The following LHPP variants were observed in gnomAD, a reference collection of about 807,000 sequenced individuals.
The protein encoded by LHPP is phospholysine phosphohistidine inorganic pyrophosphate phosphatase.
LHPP carries 24 observed loss-of-function variants against 30.3 expected under a neutral mutation model. The ratio of observed to expected loss-of-function variants is 0.79; its 90% confidence interval spans 0.57 to 1.11. The LOEUF is 1.11. LHPP is among the 50% of genes most tolerant of loss of function. LHPP has a pLI of 0.00. For missense variants in LHPP, 356 were observed against 367.2 expected, an observed-to-expected ratio of 0.97 and a Z score of 0.25; for synonymous variants, 150 against 157.1, an observed-to-expected ratio of 0.95 and a Z score of 0.34.
chr10:124,541,335 T>G lies in LHPP; in HGVS notation c.716+24064T>G, dbSNP rs1955183856. Among the ~76,000 whole-genome samples the G allele has an allele frequency of 6.6e-6, 1 of 152,216 alleles. No homozygotes were observed. The highest frequency in any genetic ancestry group is 2.4e-5 in the African/African-American group (1 of 41,460). ...GGAGGCTGACTTTATCGAGGGCTGC[T>G]TTGTGGCGGGCGTTCATTGTGGAAA... is the stretch of plus-strand genomic sequence containing the variant. On this transcript the variant is annotated intron_variant, in intron 6 of 6. Transcript: ENST00000368842. This position sits in a 1 kb window ranked among gnomAD's most constrained non-coding sequence, Gnocchi z 4.2.
At position 124,517,534 on chromosome 10, in the gene LHPP, C is replaced by G. The variant is rs891889165; in HGVS notation, c.716+263C>G. On this transcript the variant is annotated intron_variant, in intron 6 of 6. Coordinates refer to ENST00000368842, the MANE Select transcript of LHPP (RefSeq NM_022126.4). The surrounding 1 kb of genome is among the most constrained non-coding windows in gnomAD (Gnocchi z 4.1). ...GTGCAGAGAGAAATAAGCAAAGGCA[C>G]TATCCATCCTGGCGGCGGCCCACCA... Among the ~76,000 whole-genome samples, 8 of 152,142 alleles carry G rather than the reference C, an allele frequency of 5.3e-5. No homozygotes were observed. The highest frequency in any genetic ancestry group is 1.9e-4 in the African/African-American group (8 of 41,430).
intron 2 of LHPP, among the ~76,000 whole-genome samples, chr10:124,486,540 A>G (rs1399339204): frequency 6.6e-6 from 1 of 152,272 alleles, no homozygotes; most frequent in Admixed American, 6.5e-5. Context: ...GAAGACAGGC[A>G]TGAACTTCCA....
rs75466955 is a variant in LHPP, at chr10:124,469,206, G to T, written c.125+7219G>T. On this transcript the variant is annotated intron_variant, in intron 1 of 6. Transcript: ENST00000368842. The stretch of plus-strand genomic sequence containing the variant: ...AAGTGTGATTGGAGTGGGGTGGGGG[G>T]TCTTAGGGTTGGCAGGGGGAACACA... Among the ~76,000 whole-genome samples, 67 of 152,168 alleles carry T rather than the reference G, an allele frequency of 4.4e-4. 1 individual carries two copies. In the East Asian group the frequency reaches 0.012, roughly 27 times the overall value.
Position 124,542,921 on chromosome 10 carries a change from C to T in LHPP, c.716+25650C>T, listed in dbSNP as rs371199206. ...ATCTAGGCCCCGTCACGGTCGTTCT[C>T]CCCGGTCCCTGCCTGCCCATGGCTC... On this transcript the variant is annotated intron_variant, in intron 6 of 6. Transcript: ENST00000368842. 3.1e-4 allele frequency among the ~76,000 whole-genome samples: 47 copies of T among 152,296 alleles called. No homozygotes were observed. In the East Asian group the frequency reaches 7.7e-3, roughly 25 times the overall value.
chr10:124,550,965 G>A (rs1948152481), intron 6 of LHPP, among the ~76,000 whole-genome samples: 1 of 152,192 alleles, frequency 6.6e-6, no homozygotes, highest in African/African-American at 2.4e-5. Context: ...CAGCCTAGGT[G>A]CAGAGGCCCG....
chr10:124,570,924 T>C (rs1254820403), intron 6 of LHPP, among the ~76,000 whole-genome samples: 4 of 152,214 alleles, frequency 2.6e-5, no homozygotes, highest in Non-Finnish European at 5.9e-5. Context: ...CCAACCCAAA[T>C]CTCGTCTCGA....
chr10:124,579,326 C>A (rs2133989722), intron 6 of LHPP, among the ~76,000 whole-genome samples: 1 of 152,368 alleles, frequency 6.6e-6, no homozygotes, highest in South Asian at 2.1e-4. Context: ...CGTCCAGTTT[C>A]CCCTCAACTA....
chr10:124,481,421 G>A (rs1398080814), intron 1 of LHPP, among the ~76,000 whole-genome samples: 1 of 129,790 alleles, frequency 7.7e-6, no homozygotes, highest in Non-Finnish European at 1.6e-5. Context: ...GTGTGACCCA[G>A]GCTGGAGGGC....
At position 124,496,831 on chromosome 10, in the gene LHPP, G is replaced by A; in HGVS notation, c.468-130G>A. The A allele has an allele frequency of 1.3e-6, 1 of 773,470 alleles. No individual in the cohort carries two copies. The highest frequency in any genetic ancestry group is 2.2e-6 in the Non-Finnish European group (1 of 463,566). The allele number at this position is 773,470 out of a possible 1,614,324, so 47.9% of individuals were successfully genotyped here. A position where few individuals can be genotyped will look rare whatever the true frequency, so the allele number is the denominator to read the frequency against. On this transcript the variant is annotated intron_variant, in intron 3 of 6. Coordinates refer to ENST00000368842, the MANE Select transcript of LHPP (RefSeq NM_022126.4). This position sits in a 1 kb window ranked among gnomAD's most constrained non-coding sequence, Gnocchi z 4.3. ...TGCGGTCATTCTCAGCGTAGCGCCT[G>A]GACTGCCCCTCAGCCGCGGCTTGGC...
At chr10:124,604,389 G>T (rs897150381) in intron 6 of LHPP, among the ~76,000 whole-genome samples, 4 of 152,202 alleles carry the variant, frequency 2.6e-5, no homozygotes, top group Admixed American at 2.6e-4. Flanking sequence ...CCTGAGGGTG[G>T]CCGTGCTGGG....
intron 6 of LHPP, among the ~76,000 whole-genome samples, chr10:124,580,592 T>C (rs1036757906): frequency 6.6e-6 from 1 of 152,240 alleles, no homozygotes; most frequent in Non-Finnish European, 1.5e-5. Flanking sequence ...GTTAAATGTA[T>C]CTTTAAAGCT....
chr10:124,577,335 C>T (rs1948677222), intron 6 of LHPP, among the ~76,000 whole-genome samples: 1 of 152,236 alleles, frequency 6.6e-6, no homozygotes, highest in Non-Finnish European at 1.5e-5. Context: ...ACCCCTGGCC[C>T]ACCCATACAG....
chr10:124,589,720 T>C (rs192004226), intron 6 of LHPP, among the ~76,000 whole-genome samples: 1 of 152,330 alleles, frequency 6.6e-6, no homozygotes, highest in Non-Finnish European at 1.5e-5. Flanking sequence ...GACCCTTTCT[T>C]GTCTATCCCC....
chr10:124,506,991 G>C (rs1281279673), intron 5 of LHPP, among the ~76,000 whole-genome samples: 1 of 37,378 alleles, frequency 2.7e-5, no homozygotes, highest in Non-Finnish European at 5.7e-5. Flanking sequence ...CAGGTGAGGG[G>C]GGTAGGGAGG....
intron 1 of LHPP, among the ~76,000 whole-genome samples, chr10:124,469,794 G>A (rs1252507771): frequency 1.3e-5 from 2 of 152,168 alleles, no homozygotes; most frequent in Non-Finnish European, 2.9e-5. Flanking sequence ...GGACCAGCAG[G>A]CGACAGCGTG....
intron 6 of LHPP, among the ~76,000 whole-genome samples, chr10:124,599,718 G>T (rs1948997465): frequency 6.6e-6 from 1 of 152,240 alleles, no homozygotes; most frequent in Non-Finnish European, 1.5e-5. Context: ...GTGTCCTGGG[G>T]AATGTGCTGG....
Position 124,613,342 on chromosome 10 carries a change from G to A in LHPP, c.795G>A (p.Leu265=), listed in dbSNP as rs764253824. The A allele has an allele frequency of 1.2e-5, 19 of 1,612,416 alleles. No individual in the cohort carries two copies. In the East Asian group the frequency reaches 4.2e-4, roughly 36 times the overall value. ...TCGCAGAGGCAGTGGACCTGCTGCT[G>A]CAGCACGCCGACAAGTGATGGCCTC... is the stretch of plus-strand genomic sequence containing the variant. ...DNLAEAVDLL[L]QHADK is the part of the protein sequence containing the mutation. The change falls in exon 7 of 7, where the codon CTG becomes CTA. Residue 265 remains leucine (L), a synonymous_variant. Transcript: ENST00000368842.
At chr10:124,611,877 G>A (rs575627595) in intron 6 of LHPP, among the ~76,000 whole-genome samples, 6 of 152,332 alleles carry the variant, frequency 3.9e-5, no homozygotes, top group African/African-American at 1.4e-4. Flanking sequence ...CGCTGCTGCC[G>A]GGAGACTGTG....
intron 6 of LHPP, among the ~76,000 whole-genome samples, chr10:124,569,115 C>G (rs987764781): frequency 6.6e-6 from 1 of 152,224 alleles, no homozygotes; most frequent in African/African-American, 2.4e-5. Flanking sequence ...CACATGCACA[C>G]TGCCTGGGTG....
Sources: gnomAD v4.1 joint callset for allele counts (sites outside exome capture counted in the v4.1 genomes callset) on GRCh38, gnomAD v4.1.1 for gene constraint, Gnocchi (gnomAD v3.1) non-coding constraint, MANE v1.5 for transcripts, NCBI Gene and HGNC (gene_info 2026-07-23, HGNC 2026-07-21) for gene names.